ADGRV1: variants seen among roughly 807,000 people sequenced by gnomAD.
The protein encoded by ADGRV1 is adhesion G protein-coupled receptor V1.
A neutral mutation model predicts 596.2 loss-of-function variants in ADGRV1; 359 were observed. The ratio of observed to expected loss-of-function variants is 0.60; its 90% CI spans 0.55 to 0.66. The LOEUF is 0.66. Ranked by LOEUF, ADGRV1 falls within the 30% of genes least tolerant of loss-of-function variation. The pLI is 0.00. For synonymous variants in ADGRV1, 2,681 were observed against 2,679.2 expected (o/e 1.00, Z -0.02); for missense variants, 7,274 against 7,575.6 (o/e 0.96, Z 1.48).
At chr5:90,590,861 T>A (rs555632575) in intron 1 of ADGRV1, among the ~76,000 whole-genome samples, 172 of 152,358 alleles carry the variant, frequency 1.1e-3, no homozygotes, top group African/African-American at 3.7e-3. Flanking sequence ...TGTGTTTTTT[T>A]AAATAAAAAT....
At chr5:91,085,961 C>T (rs1444898862) in intron 86 of ADGRV1, among the ~76,000 whole-genome samples, 1 of 152,146 alleles carries the variant, frequency 6.6e-6, no homozygotes, top group East Asian at 1.9e-4. Context: ...TCTTTCATCA[C>T]TCATAACGTT....
chr5:90,926,289 G>A (rs1774439215), intron 83 of ADGRV1, among the ~76,000 whole-genome samples: 2 of 151,788 alleles, frequency 1.3e-5, no homozygotes, highest in Admixed American at 1.3e-4. Flanking sequence ...GTAAACTATT[G>A]ATTATTGCCA....
At chr5:90,698,402 A>G (rs1300709770) in intron 34 of ADGRV1, among the ~76,000 whole-genome samples, 1 of 152,172 alleles carries the variant, frequency 6.6e-6, no homozygotes, top group Non-Finnish European at 1.5e-5. Context: ...GAGAGACTAA[A>G]TAGCAACAAT....
At chr5:90,675,814 T>TA (rs577030244) in intron 24 of ADGRV1, among the ~76,000 whole-genome samples, 2 of 149,186 alleles carry the variant, frequency 1.3e-5, no homozygotes, top group Non-Finnish European at 3.0e-5. Context: ...AAAAGAAAAA[T>TA]AAAAAAAGAA....
intron 84 of ADGRV1, among the ~76,000 whole-genome samples, chr5:90,977,706 AAAAT>A (rs1290528084): frequency 3.9e-5 from 6 of 152,198 alleles, no homozygotes; most frequent in Non-Finnish European, 5.9e-5. Flanking sequence ...TGTTATTGTA[AAAAT>A]AAATAGATAG....
intron 50 of ADGRV1, among the ~76,000 whole-genome samples, chr5:90,744,521 A>G (rs1429850139): frequency 1.3e-5 from 2 of 152,152 alleles, no homozygotes; most frequent in Non-Finnish European, 2.9e-5. Context: ...TCAACCATAT[A>G]TATTATCTAT....
At chr5:90,750,805 A>G (rs2149947522) in intron 53 of ADGRV1, 108 bp downstream of exon 53, 1 of 734,166 alleles carries the variant, frequency 1.4e-6, no homozygotes, top group Non-Finnish European at 2.3e-6. Context: ...GACCATATCA[A>G]CACTGAATTC....
chr5:90,641,227 G>T (rs1766932441), intron 11 of ADGRV1, among the ~76,000 whole-genome samples: 1 of 152,104 alleles, frequency 6.6e-6, no homozygotes, highest in African/African-American at 2.4e-5. Context: ...TTTACCCAAT[G>T]TCTTTTATGA....
At chr5:91,010,383 G>T (rs1782627306) in intron 85 of ADGRV1, among the ~76,000 whole-genome samples, 1 of 152,054 alleles carries the variant, frequency 6.6e-6, no homozygotes, top group Non-Finnish European at 1.5e-5. Context: ...CACCAGGCTT[G>T]TTCTCAGAAA....
chr5:90,688,934 G>A (rs944841353), intron 29 of ADGRV1, among the ~76,000 whole-genome samples: 5 of 152,238 alleles, frequency 3.3e-5, no homozygotes, highest in South Asian at 4.1e-4. Flanking sequence ...GCAACAGTTA[G>A]TATTAACTAT....
intron 83 of ADGRV1, among the ~76,000 whole-genome samples, chr5:90,910,397 A>G (rs1053842448): frequency 1.3e-5 from 2 of 152,220 alleles, no homozygotes; most frequent in African/African-American, 4.8e-5. Flanking sequence ...CCCTAAGTGT[A>G]TATTCCACTT....
intron 78 of ADGRV1, among the ~76,000 whole-genome samples, chr5:90,847,079 C>T (rs1765960272): frequency 6.6e-6 from 1 of 152,148 alleles, no homozygotes; most frequent in South Asian, 2.1e-4. Context: ...TTCACAATCC[C>T]TTAGCTAGAC....
chr5:91,079,504 G>A (rs373159644), intron 86 of ADGRV1, among the ~76,000 whole-genome samples: 1 of 152,172 alleles, frequency 6.6e-6, no homozygotes, highest in African/African-American at 2.4e-5. Flanking sequence ...AAAACACTTA[G>A]GATTTGATAC....
chr5:90,668,056 T>C (rs368090568), intron 21 of ADGRV1, among the ~76,000 whole-genome samples: 1 of 151,802 alleles, frequency 6.6e-6, no homozygotes. Flanking sequence ...GTTACTGCTG[T>C]CTTTTTGTTT....
chr5:90,621,665 G>C (rs1764091103), intron 4 of ADGRV1, among the ~76,000 whole-genome samples: 1 of 152,086 alleles, frequency 6.6e-6, no homozygotes, highest in African/African-American at 2.4e-5. Flanking sequence ...CCTAGTTTCT[G>C]TCATGGGTCC....
rs779805628 is a variant in ADGRV1 at position 90,778,614 on chromosome 5, AGT to A, written c.12849+6_12849+7del. ...CGAGTGTCAGAAGCACAGAGGGTAT[AGT>A]ATGAAATGCTTAAGATTTTAATATC... On this transcript the variant is annotated splice_donor_region_variant and intron_variant, in intron 63 of 89. Transcript: ENST00000405460. 4 of 1,545,770 alleles carry A rather than the reference AGT, an allele frequency of 2.6e-6. No homozygotes were observed. The highest frequency in any genetic ancestry group is 2.5e-5 in the South Asian group (2 of 78,900).
chr5:91,154,453 G>T (rs887523807), intron 89 of ADGRV1, among the ~76,000 whole-genome samples: 6 of 152,158 alleles, frequency 3.9e-5, no homozygotes, highest in Non-Finnish European at 4.4e-5. Context: ...ATATTTTCAT[G>T]TATCATATTT....
intron 21 of ADGRV1, among the ~76,000 whole-genome samples, chr5:90,668,296 G>A (rs1005056115): frequency 1.3e-5 from 2 of 152,066 alleles, no homozygotes; most frequent in Admixed American, 6.5e-5. Flanking sequence ...AGCCAGGTGC[G>A]GGGTATAATC....
intron 83 of ADGRV1, among the ~76,000 whole-genome samples, chr5:90,876,184 G>A (rs938890801): frequency 6.6e-6 from 1 of 152,000 alleles, no homozygotes; most frequent in African/African-American, 2.4e-5. Context: ...CTGGTATTTT[G>A]TAAATAAATG....
Sources: allele counts gnomAD v4.1 joint callset (sites outside exome capture counted in the v4.1 genomes callset), GRCh38; gene constraint gnomAD v4.1.1; transcripts MANE v1.5; gene names NCBI Gene and HGNC (gene_info 2026-07-23, HGNC 2026-07-21).